CNTNAP5: variants seen among roughly 807,000 people sequenced by gnomAD.
CNTNAP5 encodes the protein contactin-associated protein-like 5.
CNTNAP5 carries 72 observed loss-of-function variants against 150.2 expected under a neutral mutation model. The ratio of observed to expected loss-of-function variants is 0.48; its 90% CI spans 0.40 to 0.58. The LOEUF is 0.58. Among genes scored for constraint, CNTNAP5 ranks in the 20% least tolerant of loss-of-function variants. CNTNAP5 has a pLI of 0.00. For synonymous variants in CNTNAP5, 672 were observed against 619.8 expected (o/e 1.08, Z -1.25); for missense variants, 1,636 against 1,626.2 (o/e 1.01, Z -0.10).
chr2:124,344,896 C>T (rs1328644755), intron 3 of CNTNAP5, among the ~76,000 whole-genome samples: 2 of 152,202 alleles, frequency 1.3e-5, no homozygotes. Flanking sequence ...CCCTTGGAAA[C>T]CCCTGAATCC....
At chr2:124,522,781 T>G (rs1335182003) in intron 8 of CNTNAP5, among the ~76,000 whole-genome samples, 1 of 152,212 alleles carries the variant, frequency 6.6e-6, no homozygotes, top group African/African-American at 2.4e-5. Flanking sequence ...AGACCTTTGT[T>G]TCTTTATACA....
At chr2:124,695,297 G>T (rs979141499) in intron 13 of CNTNAP5, among the ~76,000 whole-genome samples, 2 of 152,168 alleles carry the variant, frequency 1.3e-5, no homozygotes, top group Non-Finnish European at 2.9e-5. Context: ...CAAGATCACA[G>T]ACATTTGTGA....
intron 21 of CNTNAP5, among the ~76,000 whole-genome samples, chr2:124,880,046 G>T (rs1287926520): frequency 2.0e-5 from 3 of 152,120 alleles, no homozygotes; most frequent in African/African-American, 7.2e-5. Context: ...ATTGAGGCTC[G>T]AGGAGTGTTG....
intron 19 of CNTNAP5, among the ~76,000 whole-genome samples, chr2:124,855,111 T>A (rs1287353642): frequency 3.3e-5 from 5 of 151,354 alleles, no homozygotes; most frequent in Non-Finnish European, 7.4e-5. Flanking sequence ...GGACATTGAA[T>A]GTCATGGTAA....
chr2:124,699,109 G>A (rs1004112957), intron 13 of CNTNAP5, among the ~76,000 whole-genome samples: 11 of 152,120 alleles, frequency 7.2e-5, no homozygotes, highest in African/African-American at 2.7e-4. Context: ...CTACAATACT[G>A]TATAGTGAGA....
intron 1 of CNTNAP5, among the ~76,000 whole-genome samples, chr2:124,148,735 CAT>C: frequency 6.6e-6 from 1 of 150,426 alleles, no homozygotes; most frequent in East Asian, 1.9e-4. Context: ...TCTTTTATCT[CAT>C]ATATATGCAC....
intron 1 of CNTNAP5, among the ~76,000 whole-genome samples, chr2:124,061,119 A>G (rs1042043192): frequency 2.0e-5 from 3 of 152,106 alleles, no homozygotes; most frequent in African/African-American, 7.2e-5. Flanking sequence ...GGAAGCCTAG[A>G]GCGAAGCCAT....
At chr2:124,860,436 C>T (rs374570361) in intron 19 of CNTNAP5, among the ~76,000 whole-genome samples, 46 of 130,478 alleles carry the variant, frequency 3.5e-4, no homozygotes, top group African/African-American at 1.3e-3. Context: ...TCCTTCCTTC[C>T]TTCCTTCCTT....
intron 23 of CNTNAP5, among the ~76,000 whole-genome samples, chr2:124,912,386 G>T (rs1678674569): frequency 6.6e-6 from 1 of 152,010 alleles, no homozygotes; most frequent in African/African-American, 2.4e-5. Context: ...TATGGGTCAG[G>T]CTCTGTGCTA....
chr2:124,826,672 C>T (rs190123900), intron 19 of CNTNAP5, among the ~76,000 whole-genome samples: 17 of 152,222 alleles, frequency 1.1e-4, no homozygotes, highest in African/African-American at 4.1e-4. Context: ...ATCTGCAAAA[C>T]TGGAAGCTAT....
chr2:124,914,152 T>C lies in CNTNAP5; in HGVS notation c.3788T>C (p.Leu1263Pro). 1 of 1,612,666 alleles carries C rather than the reference T, an allele frequency of 6.2e-7. No individual in the cohort carries two copies. Among genetic ancestry groups the C allele is most frequent in the Non-Finnish European group, 8.5e-7 (1 of 1,179,072 alleles). Residue 1263 changes from leucine to proline, a missense_variant, in exon 24 of 24, where the codon CTC becomes CCC. By Grantham distance (98) the Leu-to-Pro change is moderately conservative. Coordinates refer to ENST00000682447, the MANE Select transcript of CNTNAP5 (RefSeq NM_001367498.1). ...FCIIGIMTRF[L>P]YQHKQSHRTS... ...ATCATCGGCATCATGACCCGGTTCC[T>C]CTACCAGCACAAGCAGTCACATCGT...
At chr2:124,444,986 G>A (rs1397232350) in intron 5 of CNTNAP5, among the ~76,000 whole-genome samples, 2 of 151,882 alleles carry the variant, frequency 1.3e-5, no homozygotes, top group East Asian at 1.9e-4. Context: ...CTAAGACCAC[G>A]AAGACCTTCA....
At chr2:124,599,806 G>T (rs1230629876) in intron 11 of CNTNAP5, among the ~76,000 whole-genome samples, 2 of 152,068 alleles carry the variant, frequency 1.3e-5, no homozygotes, top group African/African-American at 4.8e-5. Context: ...GCAAAAATGT[G>T]GCTTATTGCA....
intron 1 of CNTNAP5, among the ~76,000 whole-genome samples, chr2:124,117,626 TA>T (rs1195022025): frequency 1.3e-5 from 2 of 152,084 alleles, no homozygotes; most frequent in African/African-American, 2.4e-5. Context: ...TAGTACTCAG[TA>T]AAAAAAGCCT....
chr2:124,154,814 T>C (rs1248432768), intron 1 of CNTNAP5, among the ~76,000 whole-genome samples: 1 of 152,160 alleles, frequency 6.6e-6, no homozygotes, highest in Non-Finnish European at 1.5e-5. Flanking sequence ...TTTTTCACTA[T>C]AATCAGATGA....
intron 1 of CNTNAP5, among the ~76,000 whole-genome samples, chr2:124,198,978 G>A (rs1167160188): frequency 6.6e-6 from 1 of 151,602 alleles, no homozygotes; most frequent in Non-Finnish European, 1.5e-5. Flanking sequence ...GCTGTGTCTG[G>A]TAGTCTTATT....
intron 10 of CNTNAP5, among the ~76,000 whole-genome samples, chr2:124,560,458 G>T (rs1695862989): frequency 6.7e-6 from 1 of 149,286 alleles, no homozygotes; most frequent in Middle Eastern, 3.2e-3. Flanking sequence ...GGTGGAGGTT[G>T]CAGTGGGCTG....
Position 124,249,152 on chromosome 2 carries a change from G to T in CNTNAP5, c.381+6759G>T, listed in dbSNP as rs183862868. Among the ~76,000 whole-genome samples the T allele has an allele frequency of 1.6e-3, 236 of 152,148 alleles. 4 individuals are homozygous for T. The East Asian group carries it at 0.043, about 28-fold the overall frequency. ...TACAAACCATCAATTCTCCTCAGATGGGTTTTATTTGACCCTGTATATCAT... is the reference window on the plus strand; with the variant it reads ...TACAAACCATCAATTCTCCTCAGATTGGTTTTATTTGACCCTGTATATCAT... On this transcript the variant is annotated intron_variant, in intron 3 of 23. Transcript: ENST00000682447.
intron 19 of CNTNAP5, among the ~76,000 whole-genome samples, chr2:124,801,773 G>A (rs1681972858): frequency 6.6e-6 from 1 of 152,128 alleles, no homozygotes; most frequent in African/African-American, 2.4e-5. Context: ...CATGGGGGGT[G>A]AGAATTGCAT....
Sources: allele counts gnomAD v4.1 joint callset (sites outside exome capture counted in the v4.1 genomes callset), GRCh38; gene constraint gnomAD v4.1.1; transcripts MANE v1.5; gene names NCBI Gene and HGNC (gene_info 2026-07-23, HGNC 2026-07-21).